Variants in FAM124B observed in about 807,000 individuals in gnomAD.
FAM124B encodes protein FAM124B.
In FAM124B, 18 loss-of-function variants were observed where a neutral mutation model predicts 19.7. The observed-to-expected ratio is 0.92, with a 90% CI of 0.63 to 1.36. The LOEUF (loss-of-function observed/expected upper bound fraction) is 1.36. FAM124B is among the 40% of genes most tolerant of loss of function. The pLI is 0.00. For missense variants in FAM124B, 540 were observed against 553.3 expected, an observed-to-expected ratio of 0.98 and a Z score of 0.24; for synonymous variants, 223 against 225.2, an observed-to-expected ratio of 0.99 and a Z score of 0.09.
chr2:224,391,412 C>T (rs1689886072), intron 1 of FAM124B, among the ~76,000 whole-genome samples: 1 of 151,592 alleles, frequency 6.6e-6, no homozygotes, highest in Non-Finnish European at 1.5e-5. Flanking sequence ...TGTTTGCAAC[C>T]TTATCCAGTA....
chr2:224,401,441 A>C lies in FAM124B; in HGVS notation c.328T>G (p.Phe110Val). 1.2e-6 allele frequency: 2 copies of C among 1,614,084 alleles called. No homozygotes were observed. Among genetic ancestry groups the C allele is most frequent in the Non-Finnish European group, 1.7e-6 (2 of 1,179,998 alleles). Residue 110 changes from phenylalanine to valine, a missense_variant, in exon 1 of 2, where the codon TTT (phenylalanine) becomes GTT (valine). By Grantham distance (50) the Phe-to-Val change is conservative. Transcript: ENST00000409685. ...CTGTAGAACTCCTGATTGGCAAAAAAGTAGGGACACAGCCTTCCCCGAGTG... is the reference window on the plus strand; with the variant it reads ...CTGTAGAACTCCTGATTGGCAAAAACGTAGGGACACAGCCTTCCCCGAGTG... ...QDTRGRLCPY[F>V]FANQEFYSLD...
chr2:224,379,572 G>C lies in FAM124B; in HGVS notation c.*1C>G. 6.6e-7 allele frequency: 1 copy of C among 1,526,096 alleles called. No homozygotes were observed. The highest frequency in any genetic ancestry group is 8.8e-7 in the Non-Finnish European group (1 of 1,135,620). 94.5% of individuals were successfully genotyped at this position (1,526,096 alleles called of 1,614,324 possible). A position where few individuals can be genotyped will look rare whatever the true frequency, so the allele number is the denominator to read the frequency against. ...TTTTAGAAAACCACATTTATTTTAT[G>C]CTATATAAAGAATTCTTCTTCATCT... On this transcript the variant is annotated 3_prime_UTR_variant, in exon 2 of 2. Transcript: ENST00000409685.
chr2:224,392,459 A>C (rs1193208662), intron 1 of FAM124B, among the ~76,000 whole-genome samples: 1 of 152,008 alleles, frequency 6.6e-6, no homozygotes, highest in East Asian at 1.9e-4. Flanking sequence ...AAAGCAAAGA[A>C]AAAAGATGAG....
rs376596730 is a variant in FAM124B at position 224,401,303 on chromosome 2, A to G, written c.466T>C (p.Tyr156His). 13 of 1,614,028 alleles carry G rather than the reference A, an allele frequency of 8.1e-6. No homozygotes were observed. In the East Asian group the frequency reaches 2.4e-4, roughly 30 times the overall value. ...GCTTCTCTCTGCAGGATCATCTCGT[A>G]GAGTCTGATGGCGTCTTCATAGTTA... is the stretch of plus-strand genomic sequence containing the variant. ...FDNYEDAIRL[Y>H]EMILQREATL... The change falls in exon 1 of 2, where the codon TAC becomes CAC. Residue 156 changes from tyrosine to histidine, a missense_variant. Coordinates refer to ENST00000409685, the MANE Select transcript of FAM124B (RefSeq NM_001122779.2).
At chr2:224,384,599 CCT>C (rs1439138588) in intron 1 of FAM124B, among the ~76,000 whole-genome samples, 3 of 152,208 alleles carry the variant, frequency 2.0e-5, no homozygotes, top group African/African-American at 7.2e-5. Flanking sequence ...TCCTTAGTCA[CCT>C]CTCTCCATTC....
intron 1 of FAM124B, among the ~76,000 whole-genome samples, chr2:224,394,761 A>C (rs1689943229): frequency 6.6e-6 from 1 of 152,172 alleles, no homozygotes; most frequent in Non-Finnish European, 1.5e-5. Context: ...CCATTCAGTC[A>C]ATCCCCCAAG....
chr2:224,380,304 C>A, intron 1 of FAM124B, 96 bp from the exon 2 acceptor site: 1 of 1,090,088 alleles, frequency 9.2e-7, no homozygotes. Context: ...CCATGCCATG[C>A]CCATAGCAGA....
intron 1 of FAM124B, among the ~76,000 whole-genome samples, chr2:224,390,377 T>C (rs1035839976): frequency 2.0e-5 from 3 of 151,810 alleles, no homozygotes; most frequent in Non-Finnish European, 4.4e-5. Flanking sequence ...CACCATCAGT[T>C]TGTGGCTAAA....
intron 1 of FAM124B, among the ~76,000 whole-genome samples, chr2:224,387,390 A>C (rs535479794): frequency 6.6e-6 from 1 of 152,304 alleles, no homozygotes; most frequent in Non-Finnish European, 1.5e-5. Context: ...ATGAAGGGAA[A>C]ATAATGTTTC....
At chr2:224,389,195 G>A (rs1203374667) in intron 1 of FAM124B, among the ~76,000 whole-genome samples, 1 of 152,166 alleles carries the variant, frequency 6.6e-6, no homozygotes, top group Admixed American at 6.5e-5. Context: ...GCCTCCCAAA[G>A]TGCTGGGATT....
At chr2:224,390,332 G>T (rs1462268194) in intron 1 of FAM124B, among the ~76,000 whole-genome samples, 1 of 151,998 alleles carries the variant, frequency 6.6e-6, no homozygotes, top group East Asian at 1.9e-4. Flanking sequence ...AACTCCTAGG[G>T]GAAGACTCAG....
chr2:224,382,673 T>C (rs1207090156), intron 1 of FAM124B, among the ~76,000 whole-genome samples: 1 of 152,168 alleles, frequency 6.6e-6, no homozygotes, highest in East Asian at 1.9e-4. Context: ...CCTCCCAAAA[T>C]GCTGGATGAC....
At position 224,401,568 on chromosome 2, in the gene FAM124B, C is replaced by T; in HGVS notation, c.201G>A (p.Met67Ile). ...TTTCGTGCAGGAAGAGCAACACGGACATCCCTGGAAACCGGGACCGCTTGG... is the reference window on the plus strand; with the variant it reads ...TTTCGTGCAGGAAGAGCAACACGGATATCCCTGGAAACCGGGACCGCTTGG... ...SHSKRSRFPG[M>I]SVLLFLHESP... The change falls in exon 1 of 2, where the codon ATG becomes ATA. Residue 67 changes from methionine (M) to isoleucine (I), a missense_variant. Met to Ile is a conservative substitution (Grantham distance 10). Transcript: ENST00000409685. The T allele has an allele frequency of 6.2e-7, 1 of 1,614,194 alleles. No individual in the cohort carries two copies. Among genetic ancestry groups the T allele is most frequent in the Non-Finnish European group, 8.5e-7 (1 of 1,180,032 alleles).
intron 1 of FAM124B, among the ~76,000 whole-genome samples, chr2:224,381,402 G>A (rs933373411): frequency 6.6e-6 from 1 of 152,094 alleles, no homozygotes; most frequent in Non-Finnish European, 1.5e-5. Flanking sequence ...GTTAAATTGA[G>A]TTATGACTGC....
intron 1 of FAM124B, among the ~76,000 whole-genome samples, chr2:224,392,880 A>G (rs977847004): frequency 6.6e-6 from 1 of 152,224 alleles, no homozygotes; most frequent in Non-Finnish European, 1.5e-5. Context: ...GGGCAGTCCA[A>G]TACAGCAGTC....
At position 224,401,637 on chromosome 2, in the gene FAM124B, C is replaced by T; in HGVS notation, c.132G>A (p.Val44=). Residue 44 remains valine, a synonymous_variant, in exon 1 of 2, where the codon GTG becomes GTA. Coordinates refer to ENST00000409685, the MANE Select transcript of FAM124B (RefSeq NM_001122779.2). ...ATTTCACAGGACTGGCCCGTTCAGA[C>T]ACCTGAAAGAGCCGGACCTCTGGGC... The part of the protein sequence containing the change: ...CICPEVRLFQ[V]SERASPVKYC... The T allele has an allele frequency of 1.2e-6, 2 of 1,614,194 alleles. No individual in the cohort carries two copies. Among genetic ancestry groups the T allele is most frequent in the Admixed American group, 1.7e-5 (1 of 60,020 alleles).
Position 224,401,464 on chromosome 2 carries a change from G to A in FAM124B, c.305C>T (p.Thr102Ile). ...SPWQCYPTQD[T>I]RGRLCPYFFA... ...AAAGTAGGGACACAGCCTTCCCCGA[G>A]TGTCCTGGGTGGGGTAGCACTGCCA... is the stretch of plus-strand genomic sequence containing the variant. Residue 102 changes from threonine (T) to isoleucine (I), a missense_variant, in exon 1 of 2, where the codon ACT becomes ATT. Physicochemically the swap from Thr to Ile is moderately conservative, Grantham distance 89. Transcript: ENST00000409685. 1 of 1,614,122 alleles carries A rather than the reference G, an allele frequency of 6.2e-7. No homozygotes were observed. Among genetic ancestry groups the A allele is most frequent in the African/African-American group, 1.3e-5 (1 of 75,028 alleles).
chr2:224,380,017 C>T lies in FAM124B; in HGVS notation c.924G>A (p.Arg308=), dbSNP rs1689689103. 6.4e-7 allele frequency: 1 copy of T among 1,551,688 alleles called. No homozygotes were observed. The highest frequency in any genetic ancestry group is 1.4e-5 in the African/African-American group (1 of 73,164). The change falls in exon 2 of 2, where the codon AGG becomes AGA. Residue 308 remains arginine (R), a synonymous_variant. Coordinates refer to ENST00000409685, the MANE Select transcript of FAM124B (RefSeq NM_001122779.2). The stretch of plus-strand genomic sequence containing the variant: ...GGCTTTTCCACGAAGTGCCAGCACA[C>T]CTGTCTGATGTGGGGCTCCCACTGG... The part of the protein sequence containing the change: ...PEPSGSPTSD[R]CAGTSWKSPG...
In FAM124B at chr2:224,385,366, C is replaced by A. The variant is rs78127756; in HGVS notation, c.733-5158G>T. 0.018 allele frequency among the ~76,000 whole-genome samples: 2,787 copies of A among 152,274 alleles called. 190 individuals are homozygous for A. The East Asian group carries it at 0.2, about 11-fold the overall frequency. ...CCAATAAATTCCACTGGATTTTCTC[C>A]TACCTTTCCCTCCACCCCTTCTCCG... On this transcript the variant is annotated intron_variant, in intron 1 of 1. Coordinates refer to ENST00000409685, the MANE Select transcript of FAM124B (RefSeq NM_001122779.2).
Sources: gnomAD v4.1 joint callset for allele counts (sites outside exome capture counted in the v4.1 genomes callset) on GRCh38, gnomAD v4.1.1 for gene constraint, MANE v1.5 for transcripts, NCBI Gene and HGNC (gene_info 2026-07-23, HGNC 2026-07-21) for gene names.